The following ANKK1 variants were observed in gnomAD, a reference collection of about 807,000 sequenced individuals.
ANKK1 encodes the protein ankyrin repeat and kinase domain containing 1.
Under a neutral mutation model 37.6 loss-of-function variants are expected in ANKK1, and 37 were observed. The observed-to-expected ratio is 0.98, with a 90% CI of 0.76 to 1.29. The LOEUF (loss-of-function observed/expected upper bound fraction) is 1.29, where lower values mean the gene tolerates loss of function less well. Ranked by LOEUF, ANKK1 falls within the 50% of genes most tolerant of loss-of-function variation. The pLI is 0.00. For synonymous variants in ANKK1, 415 were observed against 418.7 expected (o/e 0.99, Z 0.11); for missense variants, 1,019 against 990.6 (o/e 1.03, Z -0.39).
In ANKK1 at chr11:113,387,857, G is replaced by T; in HGVS notation, c.-28G>T. 3 of 1,469,250 alleles carry T rather than the reference G, an allele frequency of 2.0e-6. No individual in the cohort carries two copies. Among genetic ancestry groups the T allele is most frequent in the Non-Finnish European group, 9.0e-7 (1 of 1,108,132 alleles). 91.0% of individuals were successfully genotyped at this position (1,469,250 alleles called of 1,614,324 possible). On this transcript the variant is annotated 5_prime_UTR_variant, in exon 1 of 8. Coordinates refer to ENST00000303941, the MANE Select transcript of ANKK1 (RefSeq NM_178510.2). ...AGGCAGCAGCCACAGCGGGGAGTGC[G>T]CGGCGCGGGGACAGGAAGAGAGGGG... is the stretch of plus-strand genomic sequence containing the variant.
chr11:113,399,955 C>T lies in ANKK1; in HGVS notation c.1986C>T (p.Pro662=). 1.2e-6 allele frequency: 2 copies of T among 1,613,670 alleles called. No individual in the cohort carries two copies. Among genetic ancestry groups the T allele is most frequent in the Non-Finnish European group, 1.7e-6 (2 of 1,179,896 alleles). The stretch of plus-strand genomic sequence containing the variant: ...CTGCAGAGCAGTCAGGCTGGACACC[C>T]CTCCACCTGGCGGTCCAGAGGAGCA... The part of the protein sequence containing the change: ...PNAAEQSGWT[P]LHLAVQRSTF... The change falls in exon 8 of 8, where the codon CCC becomes CCT. Residue 662 remains proline, a synonymous_variant. Coordinates refer to ENST00000303941, the MANE Select transcript of ANKK1 (RefSeq NM_178510.2).
intron 6 of ANKK1, 114 bp from the exon 7 acceptor site, chr11:113,397,866 G>A: frequency 8.6e-7 from 1 of 1,158,142 alleles, no homozygotes; most frequent in Admixed American, 2.0e-5. Context: ...GATAGGGTGG[G>A]ATGTGAGTCC....
At chr11:113,393,389 A>C in intron 1 of ANKK1, 92 bp from the exon 2 acceptor site, 1 of 1,385,222 alleles carries the variant, frequency 7.2e-7, no homozygotes, top group Non-Finnish European at 9.9e-7. Flanking sequence ...GGGTCCCCAC[A>C]GTCTGGCATC....
At chr11:113,397,193 C>T in intron 5 of ANKK1, 31 bp from the exon 6 acceptor site, 1 of 1,585,560 alleles carries the variant, frequency 6.3e-7, no homozygotes, top group Non-Finnish European at 8.6e-7. Context: ...CCGTTGCTTC[C>T]TTTCCTGTCT....
intron 1 of ANKK1, among the ~76,000 whole-genome samples, chr11:113,391,102 A>C (rs1162078268): frequency 6.6e-6 from 1 of 152,176 alleles, no homozygotes; most frequent in Non-Finnish European, 1.5e-5. Context: ...GATTTGAAGG[A>C]AATGAAGGGG....
intron 1 of ANKK1, among the ~76,000 whole-genome samples, chr11:113,392,104 C>G (rs574962365): frequency 6.6e-6 from 1 of 152,296 alleles, no homozygotes; most frequent in African/African-American, 2.4e-5. Flanking sequence ...AGTAAATGCT[C>G]TCAAGACTTC....
chr11:113,391,440 G>A (rs535188032), intron 1 of ANKK1, among the ~76,000 whole-genome samples: 2 of 152,270 alleles, frequency 1.3e-5, no homozygotes, highest in African/African-American at 4.8e-5. Context: ...TTGTGGAGAG[G>A]AAGCGGGAGA....
Position 113,400,375 on chromosome 11 carries a change from G to A in ANKK1, c.*108G>A. On this transcript the variant is annotated 3_prime_UTR_variant, in exon 8 of 8. Coordinates refer to ENST00000303941, the MANE Select transcript of ANKK1 (RefSeq NM_178510.2). Reference sequence around the variant, plus strand: ...AGTTTGAGGCCAGCCTGGCCAACATGGCAAAACCCTGTCTCTGCTAAAAAT... The same window carrying A: ...AGTTTGAGGCCAGCCTGGCCAACATAGCAAAACCCTGTCTCTGCTAAAAAT... 1 of 1,142,106 alleles carries A rather than the reference G, an allele frequency of 8.8e-7. No individual in the cohort carries two copies. Among genetic ancestry groups the A allele is most frequent in the Non-Finnish European group, 1.2e-6 (1 of 831,222 alleles). 70.7% of individuals were successfully genotyped at this position (1,142,106 alleles called of 1,614,324 possible).
intron 6 of ANKK1, 124 bp from the exon 7 acceptor site, chr11:113,397,856 G>A: frequency 9.3e-7 from 1 of 1,070,362 alleles, no homozygotes; most frequent in South Asian, 1.4e-5. Flanking sequence ...GGTTTCCCAG[G>A]ATAGGGTGGG....
chr11:113,396,269 C>G lies in ANKK1; in HGVS notation c.838+47C>G, dbSNP rs746810790. On this transcript the variant is annotated intron_variant, in intron 5 of 7. Coordinates refer to ENST00000303941, the MANE Select transcript of ANKK1 (RefSeq NM_178510.2). ...CCCAGGGACTGGGAGCTGGGTGGGG[C>G]CGGGAGGGGAGATGACTGGGCACTC... 3 of 1,601,760 alleles carry G rather than the reference C, an allele frequency of 1.9e-6. No homozygotes were observed. In the East Asian group the frequency reaches 6.7e-5, roughly 36 times the overall value.
rs763956667 is a variant in ANKK1 at position 113,395,006 on chromosome 11, C to T, written c.558C>T (p.Gly186=). ...ACATCGAGAGGTCGGCTCTGCGGGG[C>T]ATGCTCAGCTACATCCCCCCTGAGA... The part of the protein sequence containing the change: ...MQYIERSALR[G]MLSYIPPEMF... The change falls in exon 3 of 8, where the codon GGC becomes GGT. Residue 186 remains glycine, a synonymous_variant. Transcript: ENST00000303941. The T allele has an allele frequency of 5.0e-6, 8 of 1,613,426 alleles. No homozygotes were observed. In the East Asian group the frequency reaches 1.6e-4, roughly 31 times the overall value.
chr11:113,397,388 G>T (rs747871327), intron 6 of ANKK1, 46 bp downstream of exon 6: 1 of 1,520,320 alleles, frequency 6.6e-7, no homozygotes, highest in South Asian at 1.2e-5. Context: ...CTAAGCTGGA[G>T]CCCGCTGTGT....
intron 1 of ANKK1, among the ~76,000 whole-genome samples, chr11:113,390,612 G>A (rs957807957): frequency 2.0e-5 from 3 of 152,028 alleles, no homozygotes; most frequent in African/African-American, 7.2e-5. Context: ...GTGGGCACCT[G>A]TAGTCCCAGC....
At chr11:113,397,686 A>G (rs1353903640) in intron 6 of ANKK1, among the ~76,000 whole-genome samples, 1 of 152,132 alleles carries the variant, frequency 6.6e-6, no homozygotes, top group Non-Finnish European at 1.5e-5. Context: ...GGAACCAGCC[A>G]TGAGTTAACA....
In ANKK1 at chr11:113,388,178, C is replaced by T. The variant is rs1207842341; in HGVS notation, c.185+109C>T. 4 of 1,331,160 alleles carry T rather than the reference C, an allele frequency of 3.0e-6. No individual in the cohort carries two copies. The African/African-American group carries it at 4.5e-5, about 15-fold the overall frequency. 82.5% of individuals were successfully genotyped at this position (1,331,160 alleles called of 1,614,324 possible). On this transcript the variant is annotated intron_variant, in intron 1 of 7. Coordinates refer to ENST00000303941, the MANE Select transcript of ANKK1 (RefSeq NM_178510.2). ...AGTGGGCTGAGTTTGGGGCTGAGGA[C>T]TGTCCCCCGCGGTATTTCTGAATTC...
At position 113,400,312 on chromosome 11, in the gene ANKK1, T is replaced by C. The variant is rs541605810; in HGVS notation, c.*45T>C. The C allele has an allele frequency of 6.8e-7, 1 of 1,470,502 alleles. No homozygotes were observed. The highest frequency in any genetic ancestry group is 1.4e-5 in the African/African-American group (1 of 71,212). The allele number at this position is 1,470,502 out of a possible 1,614,324, so 91.1% of individuals were successfully genotyped here. A position where few individuals can be genotyped will look rare whatever the true frequency, so the allele number is the denominator to read the frequency against. On this transcript the variant is annotated 3_prime_UTR_variant, in exon 8 of 8. Transcript: ENST00000303941. ...TGGCTCACGTCTGTAATCCCAGCAC[T>C]TTGGGAGGCTGAGGCAGGCAGATCA...
At chr11:113,392,093 C>T (rs555230607) in intron 1 of ANKK1, among the ~76,000 whole-genome samples, 1 of 152,264 alleles carries the variant, frequency 6.6e-6, no homozygotes, top group Non-Finnish European at 1.5e-5. Flanking sequence ...GGAGAGACAG[C>T]AGTAAATGCT....
rs114976452 is a variant in ANKK1 at position 113,398,957 on chromosome 11, C to T, written c.995-7C>T. 1.9e-6 allele frequency: 3 copies of T among 1,561,262 alleles called. No homozygotes were observed. Among genetic ancestry groups the T allele is most frequent in the Non-Finnish European group, 2.6e-6 (3 of 1,151,834 alleles). ...CTTTTTTTTCAACCCCATCTTTCTCCCAGCAGACTCAGGAAACTACCTGAA... is the reference window on the plus strand; with the variant it reads ...CTTTTTTTTCAACCCCATCTTTCTCTCAGCAGACTCAGGAAACTACCTGAA... On this transcript the variant is annotated splice_polypyrimidine_tract_variant and splice_region_variant and intron_variant, in intron 7 of 7. Transcript: ENST00000303941.
chr11:113,399,452 A>G lies in ANKK1; in HGVS notation c.1483A>G (p.Lys495Glu). 6.3e-7 allele frequency: 1 copy of G among 1,595,474 alleles called. No individual in the cohort carries two copies. The highest frequency in any genetic ancestry group is 8.5e-7 in the Non-Finnish European group (1 of 1,171,334). ...CCCCAACCTGCATGAGGCTGAGGGC[A>G]AGACCCCCCTCCATGTGGCCGCCTA... ...ADPNLHEAEG[K>E]TPLHVAAYFG... Residue 495 changes from lysine to glutamate, a missense_variant, in exon 8 of 8, where the codon AAG (lysine) becomes GAG (glutamate). By Grantham distance (56) the Lys-to-Glu change is moderately conservative (BLOSUM62 1). Transcript: ENST00000303941.
Sources: gnomAD v4.1 joint callset for allele counts (sites outside exome capture counted in the v4.1 genomes callset) on GRCh38, gnomAD v4.1.1 for gene constraint, MANE v1.5 for transcripts, NCBI Gene and HGNC (gene_info 2026-07-23, HGNC 2026-07-21) for gene names.